ZNF713: variants seen among roughly 807,000 people sequenced by gnomAD.
The protein encoded by ZNF713 is zinc finger protein 713.
ZNF713 carries 21 observed loss-of-function variants against 28.7 expected under a neutral mutation model. That is an observed-to-expected ratio of 0.73 (90% CI 0.52 to 1.05). ZNF713 has a LOEUF of 1.05. ZNF713 is among the 50% of genes least tolerant of loss of function. The pLI is 0.00. For synonymous variants in ZNF713, 167 were observed against 178.0 expected (o/e 0.94, Z 0.49); for missense variants, 458 against 532.4 (o/e 0.86, Z 1.37).
chr7:55,914,092 C>T (rs1232681240), intron 4 of ZNF713, among the ~76,000 whole-genome samples: 3 of 136,450 alleles, frequency 2.2e-5, no homozygotes, highest in South Asian at 4.5e-4. Context: ...GCCTGGGCAA[C>T]AGAGCGAGAC....
In ZNF713 at chr7:55,923,239, C is replaced by T; in HGVS notation, c.165C>T (p.Asn55=). 1 of 1,613,878 alleles carries T rather than the reference C, an allele frequency of 6.2e-7. No homozygotes were observed. Among genetic ancestry groups the T allele is most frequent in the Admixed American group, 1.7e-5 (1 of 59,968 alleles). Residue 55 remains asparagine, a synonymous_variant, in exon 5 of 7, where the codon AAC becomes AAT. Transcript: ENST00000429591. ...EWDQLYPAQK[N]LYRDVMLENY... ...ACCAGCTGTACCCTGCCCAAAAGAA[C>T]CTCTATCGAGACGTGATGCTGGAGA... is the stretch of plus-strand genomic sequence containing the variant.
intron 1 of ZNF713, among the ~76,000 whole-genome samples, chr7:55,890,889 G>A (rs888775721): frequency 1.3e-5 from 2 of 151,632 alleles, no homozygotes; most frequent in Non-Finnish European, 1.5e-5. Flanking sequence ...GTGGTGGCAC[G>A]TGCCTGAGGT....
chr7:55,892,242 C>T (rs1183013403), intron 1 of ZNF713, among the ~76,000 whole-genome samples: 4 of 139,264 alleles, frequency 2.9e-5, no homozygotes, highest in Non-Finnish European at 4.5e-5. Flanking sequence ...CGCGCCGCTG[C>T]ACTCCAGCCT....
intron 2 of ZNF713, 92 bp downstream of exon 2, chr7:55,906,471 G>A (rs1183347153): frequency 6.6e-6 from 1 of 152,202 alleles, no homozygotes; most frequent in Non-Finnish European, 1.5e-5. Flanking sequence ...TTCCTTAAGA[G>A]TGAGGGCTTC....
intron 6 of ZNF713, among the ~76,000 whole-genome samples, chr7:55,933,180 T>A (rs1200058215): frequency 6.6e-6 from 1 of 150,864 alleles, no homozygotes; most frequent in Non-Finnish European, 1.5e-5. Flanking sequence ...GAGGTTGCAA[T>A]GAGCCGAGAT....
chr7:55,932,799 G>A (rs1488746949), intron 6 of ZNF713, among the ~76,000 whole-genome samples: 5 of 141,332 alleles, frequency 3.5e-5, no homozygotes, highest in Middle Eastern at 4.0e-3. Context: ...TGGGAGAATG[G>A]CGTGAACCCG....
intron 1 of ZNF713, among the ~76,000 whole-genome samples, chr7:55,900,012 G>C (rs1785544128): frequency 6.6e-6 from 1 of 152,032 alleles, no homozygotes; most frequent in African/African-American, 2.4e-5. Context: ...CCAAAGTGCA[G>C]GGATTACAGG....
intron 1 of ZNF713, among the ~76,000 whole-genome samples, chr7:55,901,989 C>T (rs567630851): frequency 6.0e-4 from 91 of 152,272 alleles, no homozygotes; most frequent in Middle Eastern, 3.4e-3. Context: ...GTAAGGAGTT[C>T]GAGACCGGCC....
chr7:55,926,948 G>T (rs2116248170), intron 6 of ZNF713, among the ~76,000 whole-genome samples: 1 of 151,980 alleles, frequency 6.6e-6, no homozygotes, highest in Non-Finnish European at 1.5e-5. Context: ...CCAGCCTGGG[G>T]TTCACCAACA....
At chr7:55,936,297 C>T (rs1170679260) in intron 6 of ZNF713, among the ~76,000 whole-genome samples, 2 of 149,990 alleles carry the variant, frequency 1.3e-5, no homozygotes, top group South Asian at 4.2e-4. Flanking sequence ...GAGGGACTTC[C>T]GTGAGGAGAT....
At chr7:55,900,434 C>T (rs976933390) in intron 1 of ZNF713, among the ~76,000 whole-genome samples, 2 of 151,630 alleles carry the variant, frequency 1.3e-5, no homozygotes, top group Non-Finnish European at 2.9e-5. Context: ...CACCACTGCA[C>T]TCCAGCCTGG....
At chr7:55,897,735 C>G (rs754197155) in intron 1 of ZNF713, among the ~76,000 whole-genome samples, 11 of 152,096 alleles carry the variant, frequency 7.2e-5, no homozygotes, top group South Asian at 6.2e-4. Flanking sequence ...AAACATATTG[C>G]CATTAATGAG....
At chr7:55,904,716 T>G (rs948661106) in intron 1 of ZNF713, among the ~76,000 whole-genome samples, 1 of 152,002 alleles carries the variant, frequency 6.6e-6, no homozygotes, top group Non-Finnish European at 1.5e-5. Flanking sequence ...GAGTTTTTAA[T>G]GTTGGAGAGA....
rs1374574047 is a variant in ZNF713, at chr7:55,887,872, GGCGGCGGC to G, written c.-583+194_-583+201del. On this transcript the variant is annotated intron_variant, in intron 1 of 6. Transcript: ENST00000429591. ...GCGGCGGCGGGCGGCGGGCGGCGGCGGCGGCGGCGGCGGCGGGCGGCGGCGGCGGCGGG... is the reference window on the plus strand; with the variant it reads ...GCGGCGGCGGGCGGCGGGCGGCGGCGGGCGGCGGGCGGCGGCGGCGGCGGG... Among the ~76,000 whole-genome samples, 4 of 4,856 alleles carry G rather than the reference GGCGGCGGC, an allele frequency of 8.2e-4. 1 individual carries two copies. Among genetic ancestry groups the G allele is most frequent in the African/African-American group, 1.5e-3 (2 of 1,378 alleles). 3.2% of individuals were successfully genotyped at this position (4,856 alleles called of 152,430 possible). A position where few individuals can be genotyped will look rare whatever the true frequency, so the allele number is the denominator to read the frequency against.
rs768852334 is a variant in ZNF713 at position 55,940,042 on chromosome 7, TAGG to T, written c.*39_*41del. The T allele has an allele frequency of 1.1e-5, 17 of 1,515,446 alleles. No individual in the cohort carries two copies. Among genetic ancestry groups the T allele is most frequent in the Non-Finnish European group, 1.4e-5 (16 of 1,134,590 alleles). 93.9% of individuals were successfully genotyped at this position (1,515,446 alleles called of 1,614,324 possible). A position where few individuals can be genotyped will look rare whatever the true frequency, so the allele number is the denominator to read the frequency against. On this transcript the variant is annotated 3_prime_UTR_variant, in exon 7 of 7. Transcript: ENST00000429591. ...GGGAAATCAGATAAATATATAAATGTAGGAGATTTTTTGGTCAGACCTTTTTAT... is the reference window on the plus strand; with the variant it reads ...GGGAAATCAGATAAATATATAAATGTAGATTTTTTGGTCAGACCTTTTTAT...
chr7:55,903,491 G>A (rs1356891641), intron 1 of ZNF713, among the ~76,000 whole-genome samples: 1 of 151,962 alleles, frequency 6.6e-6, no homozygotes, highest in Non-Finnish European at 1.5e-5. Context: ...CCAATATGGT[G>A]AAACCCCATC....
At chr7:55,889,778 A>G (rs1172602601) in intron 1 of ZNF713, among the ~76,000 whole-genome samples, 1 of 152,242 alleles carries the variant, frequency 6.6e-6, no homozygotes, top group Admixed American at 6.5e-5. Flanking sequence ...CTTATGAGTT[A>G]TAGTTCTTGT....
Position 55,941,832 on chromosome 7 carries a change from A to G in ZNF713, c.*1826A>G, listed in dbSNP as rs1166564149. 2.0e-5 allele frequency: 3 copies of G among 152,150 alleles called. No individual in the cohort carries two copies. The highest frequency in any genetic ancestry group is 4.4e-5 in the Non-Finnish European group (3 of 68,022). The allele number at this position is 152,150 out of a possible 1,614,324, so 9.4% of individuals were successfully genotyped here. The stretch of plus-strand genomic sequence containing the variant: ...TGATAGTTTGTGGCAATATCCTGTG[A>G]TGATTCTTTTTGCAATCTTGACATT... On this transcript the variant is annotated 3_prime_UTR_variant, in exon 7 of 7. Transcript: ENST00000429591.
chr7:55,935,154 G>A (rs1467083193), intron 6 of ZNF713, among the ~76,000 whole-genome samples: 1 of 152,070 alleles, frequency 6.6e-6, no homozygotes, highest in Non-Finnish European at 1.5e-5. Context: ...CTCCCAAAGT[G>A]CTGGGATTAC....
Sources: gnomAD v4.1 joint callset for allele counts (sites outside exome capture counted in the v4.1 genomes callset) on GRCh38, gnomAD v4.1.1 for gene constraint, MANE v1.5 for transcripts, NCBI Gene and HGNC (gene_info 2026-07-23, HGNC 2026-07-21) for gene names.